Variants in KDR observed in about 807,000 individuals in gnomAD.
KDR encodes vascular endothelial growth factor receptor 2.
KDR carries 43 observed loss-of-function variants against 160.9 expected under a neutral mutation model. The ratio of observed to expected loss-of-function variants is 0.27; its 90% CI spans 0.21 to 0.34. The LOEUF is 0.34. Ranked by LOEUF, KDR falls within the 10% of genes least tolerant of loss-of-function variation. KDR has a pLI of 1.00. For synonymous variants in KDR, 617 were observed against 600.1 expected, an observed-to-expected ratio of 1.03 and a Z score of -0.41; for missense variants, 1,469 against 1,666.4, an observed-to-expected ratio of 0.88 and a Z score of 2.06.
intron 18 of KDR, 76 bp downstream of exon 18, chr4:55,097,586 A>T: frequency 1.0e-6 from 1 of 963,408 alleles, no homozygotes; most frequent in South Asian, 1.3e-5. Flanking sequence ...GCACAAAGCT[A>T]CTGATACAAG....
At position 55,110,763 on chromosome 4, in the gene KDR, G is replaced by T; in HGVS notation, c.982C>A (p.Pro328Thr). The T allele has an allele frequency of 1.9e-6, 3 of 1,583,118 alleles. No homozygotes were observed. Among genetic ancestry groups the T allele is most frequent in the South Asian group, 2.2e-5 (2 of 88,916 alleles). Residue 328 changes from proline to threonine, a missense_variant, in exon 8 of 30, where the codon CCT (proline) becomes ACT (threonine). By Grantham distance (38) the Pro-to-Thr change is conservative. This residue lies in a region of KDR where 792 missense variants were observed against 840.9 expected (regional missense o/e 0.94). Transcript: ENST00000263923. The part of the protein sequence containing the change: ...NSTFVRVHEK[P>T]FVAFGSGMES... ...ATGCCACTTCCAAAAGCAACAAAAG[G>T]TTTTTCTGGAAGAAAATAAAAAAAA...
At position 55,115,046 on chromosome 4, in the gene KDR, G is replaced by C; in HGVS notation, c.490-4C>G. On this transcript the variant is annotated splice_region_variant and splice_polypyrimidine_tract_variant and intron_variant, in intron 4 of 29. Coordinates refer to ENST00000263923, the MANE Select transcript of KDR (RefSeq NM_002253.4). Reference sequence around the variant, plus strand: ...CAAATCTCTTTTCTGGGTATCTCTGGGTAATAAAAAGACATATCAAATATT... The same window carrying C: ...CAAATCTCTTTTCTGGGTATCTCTGCGTAATAAAAAGACATATCAAATATT... 1 of 1,610,972 alleles carries C rather than the reference G, an allele frequency of 6.2e-7. No homozygotes were observed. The highest frequency in any genetic ancestry group is 1.1e-5 in the South Asian group (1 of 90,920).
intron 6 of KDR, 38 bp from the exon 7 acceptor site, chr4:55,113,519 A>G (rs1578138420): frequency 3.2e-6 from 5 of 1,566,120 alleles, no homozygotes; most frequent in East Asian, 4.5e-5. Context: ...AAAGCACAGC[A>G]TATAACATTA....
intron 1 of KDR, among the ~76,000 whole-genome samples, chr4:55,124,142 T>C (rs1335638767): frequency 6.6e-6 from 1 of 152,184 alleles, no homozygotes; most frequent in African/African-American, 2.4e-5. Flanking sequence ...TGGTACTGTA[T>C]GTGGGTGTGA....
chr4:55,085,981 A>C (rs1470403503), intron 27 of KDR, among the ~76,000 whole-genome samples: 2 of 152,246 alleles, frequency 1.3e-5, no homozygotes, highest in Non-Finnish European at 2.9e-5. Flanking sequence ...CACAGAAAAC[A>C]CATGGAATGT....
intron 26 of KDR, among the ~76,000 whole-genome samples, chr4:55,088,537 A>G (rs2110009808): frequency 6.6e-6 from 1 of 152,334 alleles, no homozygotes; most frequent in South Asian, 2.1e-4. Flanking sequence ...TTTATTAAAA[A>G]TTTCTTGAAA....
rs1315864155 is a variant in KDR at position 55,125,561 on chromosome 4, A to C, written c.-268T>G. On this transcript the variant is annotated 5_prime_UTR_variant, in exon 1 of 30. Coordinates refer to ENST00000263923, the MANE Select transcript of KDR (RefSeq NM_002253.4). Reference sequence around the variant, plus strand: ...CAGGCAGAGGAAACGCAGCGACCACACATTGACCGCTCTCCCGGGGTCCCG... The same window carrying C: ...CAGGCAGAGGAAACGCAGCGACCACCCATTGACCGCTCTCCCGGGGTCCCG... The C allele has an allele frequency of 1.7e-6, 1 of 589,612 alleles. No homozygotes were observed. The highest frequency in any genetic ancestry group is 2.8e-5 in the East Asian group (1 of 35,832). The allele number at this position is 589,612 out of a possible 1,614,324, so 36.5% of individuals were successfully genotyped here.
chr4:55,101,600 C>T (rs1398152500), intron 15 of KDR, among the ~76,000 whole-genome samples: 6 of 152,120 alleles, frequency 3.9e-5, no homozygotes, highest in Admixed American at 3.9e-4. Context: ...AATCCATCTC[C>T]TAGGTATTAA....
rs759593169 is a variant in KDR at position 55,121,113 on chromosome 4, G to C, written c.145C>G (p.Leu49Val). The C allele has an allele frequency of 2.6e-5, 42 of 1,610,958 alleles. No homozygotes were observed. The highest frequency in any genetic ancestry group is 3.6e-5 in the Non-Finnish European group (42 of 1,177,434). Reference sequence around the variant, plus strand: ...AATCCTTACCTGCAAGTAATTTGAAGAGTTGTATTAGCCTTAATTGTAAGT... The same window carrying C: ...AATCCTTACCTGCAAGTAATTTGAACAGTTGTATTAGCCTTAATTGTAAGT... Reference protein sequence around the residue: ...DILTIKANTTLQITCRGQRDL... With the variant: ...DILTIKANTTVQITCRGQRDL... Residue 49 changes from leucine (L) to valine (V), a missense_variant, in exon 2 of 30, where the codon CTT becomes GTT. Around this residue, in one of 7 missense-constraint regions of KDR, gnomAD observed 792 missense variants for 840.9 expected, o/e 0.94. Coordinates refer to ENST00000263923, the MANE Select transcript of KDR (RefSeq NM_002253.4).
At chr4:55,103,313 G>A (rs570807325) in intron 13 of KDR, among the ~76,000 whole-genome samples, 2 of 152,272 alleles carry the variant, frequency 1.3e-5, no homozygotes, top group East Asian at 3.9e-4. Flanking sequence ...GAATCATGCT[G>A]AAAAAATCCA....
rs369663607 is a variant in KDR, at chr4:55,118,728, C to G, written c.234G>C (p.Glu78Asp). The G allele has an allele frequency of 1.2e-6, 2 of 1,614,158 alleles. No individual in the cohort carries two copies. Among genetic ancestry groups the G allele is most frequent in the Non-Finnish European group, 1.7e-6 (2 of 1,180,002 alleles). Residue 78 changes from glutamate to aspartate, a missense_variant, in exon 3 of 30, where the codon GAG (glutamate) becomes GAC (aspartate). Glu to Asp is a conservative substitution (Grantham distance 45). Coordinates refer to ENST00000263923, the MANE Select transcript of KDR (RefSeq NM_002253.4). ...SGSEQRVEVT[E>D]CSDGLFCKTL... ...TCTTACAGAAGAGGCCATCGCTGCACTCAGTCACCTCCACCCTTTGCTCAC... is the reference window on the plus strand; with the variant it reads ...TCTTACAGAAGAGGCCATCGCTGCAGTCAGTCACCTCCACCCTTTGCTCAC...
Position 55,089,694 on chromosome 4 carries a change from A to G in KDR, c.3301T>C (p.Leu1101=). ...FGVLLWEIFS[L]GASPYPGVKI... Reference sequence around the variant, plus strand: ...AGGACAAAAAGAAATGACTTACCTAAGGAAAATATTTCCCACAGCAAAACA... The same window carrying G: ...AGGACAAAAAGAAATGACTTACCTAGGGAAAATATTTCCCACAGCAAAACA... The change falls in exon 24 of 30, where the codon TTA becomes CTA. Residue 1101 remains leucine (L), a synonymous_variant. Coordinates refer to ENST00000263923, the MANE Select transcript of KDR (RefSeq NM_002253.4). 1.2e-6 allele frequency: 2 copies of G among 1,612,622 alleles called. No homozygotes were observed. The highest frequency in any genetic ancestry group is 1.3e-5 in the African/African-American group (1 of 75,008).
intron 16 of KDR, 148 bp from the exon 17 acceptor site, chr4:55,098,420 G>T: frequency 9.9e-7 from 1 of 1,007,772 alleles, no homozygotes; most frequent in Non-Finnish European, 1.5e-6. Flanking sequence ...TTATAACCCT[G>T]CTTCTAGTTT....
chr4:55,108,641 T>G (rs1365038654), intron 9 of KDR, among the ~76,000 whole-genome samples: 3 of 152,078 alleles, frequency 2.0e-5, no homozygotes, highest in African/African-American at 7.2e-5. Context: ...GTGTAAATCT[T>G]TAGAGAATGC....
At position 55,088,849 on chromosome 4, in the gene KDR, T is replaced by C; in HGVS notation, c.3510+19A>G. ...TCTAAGTACTCTTTGTAGGTGCTTC[T>C]TGGATGGAGGTGACAAACCTGCTGA... On this transcript the variant is annotated intron_variant, in intron 26 of 29. Coordinates refer to ENST00000263923, the MANE Select transcript of KDR (RefSeq NM_002253.4). 1 of 1,568,424 alleles carries C rather than the reference T, an allele frequency of 6.4e-7. No homozygotes were observed. The highest frequency in any genetic ancestry group is 8.8e-7 in the Non-Finnish European group (1 of 1,138,362).
intron 9 of KDR, among the ~76,000 whole-genome samples, chr4:55,109,597 AGGTGCTCT>A (rs1720524322): frequency 6.6e-6 from 1 of 152,154 alleles, no homozygotes; most frequent in Admixed American, 6.5e-5. Context: ...AGGGGAAAAA[AGGTGCTCT>A]GGTCAAATAG....
In KDR at chr4:55,102,028, C is replaced by A. The variant is rs2110020780; in HGVS notation, c.2135G>T (p.Gly712Val). ...KDNETLVEDS[G>V]IVLKDGNRNL... ...CCGGTTCCCATCCTTCAATACAATG[C>A]CTAACAGAGGAAGAAAACGATCATT... The change falls in exon 15 of 30, where the codon GGC (glycine) becomes GTC (valine). Residue 712 changes from glycine (G) to valine (V), a missense_variant and splice_region_variant. Gly to Val is a moderately radical substitution (Grantham distance 109). This residue lies in a region of KDR where 39 missense variants were observed against 72.1 expected (regional missense o/e 0.54). Coordinates refer to ENST00000263923, the MANE Select transcript of KDR (RefSeq NM_002253.4). 1 of 1,613,564 alleles carries A rather than the reference C, an allele frequency of 6.2e-7. No individual in the cohort carries two copies. Among genetic ancestry groups the A allele is most frequent in the South Asian group, 1.1e-5 (1 of 91,072 alleles).
intron 1 of KDR, among the ~76,000 whole-genome samples, chr4:55,122,240 A>G (rs1226836906): frequency 6.6e-6 from 1 of 152,190 alleles, no homozygotes; most frequent in Non-Finnish European, 1.5e-5. Flanking sequence ...TTCTCTGTCA[A>G]CTAAATGTGA....
At chr4:55,111,840 G>A (rs1720591929) in intron 7 of KDR, among the ~76,000 whole-genome samples, 1 of 152,204 alleles carries the variant, frequency 6.6e-6, no homozygotes, top group Non-Finnish European at 1.5e-5. Context: ...TCAGGAACTT[G>A]AGTTCCAATC....
Sources: gnomAD v4.1 joint callset for allele counts (sites outside exome capture counted in the v4.1 genomes callset) on GRCh38, gnomAD v4.1.1 for gene constraint, gnomAD v4.1.1 regional missense constraint, MANE v1.5 for transcripts, NCBI Gene and HGNC (gene_info 2026-07-23, HGNC 2026-07-21) for gene names.